UNC13A: variants seen among roughly 807,000 people sequenced by gnomAD.
UNC13A encodes the protein protein unc-13 homolog A.
Under a neutral mutation model 219.7 loss-of-function variants are expected in UNC13A, and 61 were observed. The ratio of observed to expected loss-of-function variants is 0.28; its 90% CI spans 0.23 to 0.34. UNC13A has a LOEUF of 0.34. UNC13A is among the 10% of genes least tolerant of loss of function. The probability of loss-of-function intolerance (pLI) is 1.00; values close to 1 mark genes in which losing one functional copy is unlikely to be tolerated. For synonymous variants in UNC13A, 920 were observed against 884.6 expected (o/e 1.04, Z -0.71); for missense variants, 1,476 against 2,270.3 (o/e 0.65, Z 7.11).
chr19:17,612,315 C>T (rs1251499476), intron 41 of UNC13A, among the ~76,000 whole-genome samples: 11 of 152,134 alleles, frequency 7.2e-5, no homozygotes. Flanking sequence ...CAAACTGACC[C>T]TGCACCTCAA....
rs1392508916 is a variant in UNC13A at position 17,621,885 on chromosome 19, T to C, written c.4204-15A>G. The stretch of plus-strand genomic sequence containing the variant: ...AAGAGGTTCCCCTGCAGAGATAATG[T>C]CACAGGGTGATCAACCTGGCAAGTC... On this transcript the variant is annotated splice_polypyrimidine_tract_variant and intron_variant, in intron 36 of 43. Coordinates refer to ENST00000519716, the MANE Select transcript of UNC13A (RefSeq NM_001080421.3). 2 of 1,613,810 alleles carry C rather than the reference T, an allele frequency of 1.2e-6. No individual in the cohort carries two copies. The highest frequency in any genetic ancestry group is 1.7e-6 in the Non-Finnish European group (2 of 1,179,858).
intron 1 of UNC13A, among the ~76,000 whole-genome samples, chr19:17,685,096 T>C (rs1468318366): frequency 3.3e-5 from 5 of 152,194 alleles, no homozygotes; most frequent in Non-Finnish European, 7.3e-5. Flanking sequence ...CATACACACA[T>C]GGCTTTGACA....
At chr19:17,680,869 C>CT (rs71162171) in intron 1 of UNC13A, among the ~76,000 whole-genome samples, 31,076 of 105,482 alleles carry the variant, frequency 0.29, 5,021 homozygotes, top group Middle Eastern at 0.46. Context: ...TCTTCTTCTT[C>CT]TTTTTTTTTC....
chr19:17,685,810 G>T (rs2145939541), intron 1 of UNC13A, among the ~76,000 whole-genome samples: 1 of 152,178 alleles, frequency 6.6e-6, no homozygotes, highest in African/African-American at 2.4e-5. Context: ...AAACGCCTGT[G>T]GGTCCCCGGT....
Position 17,688,203 on chromosome 19 carries a change from TC to T in UNC13A, c.-5del. On this transcript the variant is annotated 5_prime_UTR_variant, in exon 1 of 44. Coordinates refer to ENST00000519716, the MANE Select transcript of UNC13A (RefSeq NM_001080421.3). ...CTCCAACGCAAAGCAGAGACATGTC[TC>T]CGAGCTCGCAGGTGGGCCGGAGGCG... is the stretch of plus-strand genomic sequence containing the variant. The T allele has an allele frequency of 4.6e-6, 7 of 1,505,840 alleles. No individual in the cohort carries two copies. Among genetic ancestry groups the T allele is most frequent in the Non-Finnish European group, 6.2e-6 (7 of 1,127,860 alleles). 93.3% of individuals were successfully genotyped at this position (1,505,840 alleles called of 1,614,324 possible).
chr19:17,622,096 AAGAG>A (rs35574303), intron 36 of UNC13A, among the ~76,000 whole-genome samples: 6,299 of 152,274 alleles, frequency 0.041, 184 homozygotes, highest in East Asian at 0.096. Context: ...AGAGACAGGA[AAGAG>A]AGAGAAAGAT....
intron 20 of UNC13A, among the ~76,000 whole-genome samples, chr19:17,641,921 C>T (rs984763627): frequency 6.6e-6 from 1 of 152,106 alleles, no homozygotes; most frequent in Non-Finnish European, 1.5e-5. Context: ...TCACAACCAT[C>T]CATCTAAATA....
At chr19:17,673,718 A>G (rs921237211) in intron 3 of UNC13A, among the ~76,000 whole-genome samples, 1 of 146,630 alleles carries the variant, frequency 6.8e-6, no homozygotes, top group Admixed American at 6.9e-5. Context: ...AAAAAGGAAA[A>G]AAATTCCATT....
intron 17 of UNC13A, among the ~76,000 whole-genome samples, 188 bp from the exon 18 acceptor site, chr19:17,646,299 G>A (rs2077026018): frequency 6.8e-6 from 1 of 147,866 alleles, no homozygotes; most frequent in Non-Finnish European, 1.5e-5. Context: ...TTGTTTTTGA[G>A]ACAGAGTTTT....
Position 17,629,277 on chromosome 19 carries a change from T to C in UNC13A, c.3716A>G (p.Asp1239Gly). ...LLQYADIISK[D>G]FASYCSKEKE... ...CTCCTTGGAGCAGTAGGAGGCAAAG[T>C]CCTTGGAGATGATGTCTGCATACTG... Residue 1239 changes from aspartate to glycine, a missense_variant, in exon 31 of 44, where the codon GAC becomes GGC. Around this residue, in one of 14 missense-constraint regions of UNC13A, gnomAD observed 218 missense variants for 409.4 expected, o/e 0.53. Transcript: ENST00000519716. 1 of 1,612,312 alleles carries C rather than the reference T, an allele frequency of 6.2e-7. No individual in the cohort carries two copies. The highest frequency in any genetic ancestry group is 8.5e-7 in the Non-Finnish European group (1 of 1,179,354).
chr19:17,659,539 A>G (rs2079515803), intron 8 of UNC13A, among the ~76,000 whole-genome samples: 1 of 152,052 alleles, frequency 6.6e-6, no homozygotes, highest in African/African-American at 2.4e-5. Flanking sequence ...AGGCCAAGGC[A>G]GGAGGATCAC....
Position 17,674,578 on chromosome 19 carries a change from G to T in UNC13A, c.152+79C>A. 1 of 1,315,432 alleles carries T rather than the reference G, an allele frequency of 7.6e-7. No individual in the cohort carries two copies. The highest frequency in any genetic ancestry group is 1.1e-6 in the Non-Finnish European group (1 of 919,472). 81.5% of individuals were successfully genotyped at this position (1,315,432 alleles called of 1,614,324 possible). On this transcript the variant is annotated intron_variant, in intron 3 of 43. Transcript: ENST00000519716. The surrounding 1 kb of genome is among the most constrained non-coding windows in gnomAD (Gnocchi z 5.0). ...GGGGAGTCACCCGGGATTCCCCAGTGTCCAGCTCTGCCCTGAGGGGCCAGC... is the reference window on the plus strand; with the variant it reads ...GGGGAGTCACCCGGGATTCCCCAGTTTCCAGCTCTGCCCTGAGGGGCCAGC...
At position 17,652,684 on chromosome 19, in the gene UNC13A, G is replaced by C. The variant is rs1399882372; in HGVS notation, c.1393-7C>G. ...TCTCTCCTTCTCCCCGGGCCTGCAG[G>C]ACAGACAGACAGATATGGTCAGTGT... On this transcript the variant is annotated splice_region_variant and splice_polypyrimidine_tract_variant and intron_variant, in intron 11 of 43. Transcript: ENST00000519716. 7 of 1,613,130 alleles carry C rather than the reference G, an allele frequency of 4.3e-6. No homozygotes were observed. Among genetic ancestry groups the C allele is most frequent in the Non-Finnish European group, 5.9e-6 (7 of 1,179,290 alleles).
At chr19:17,678,055 A>G (rs973578099) in intron 1 of UNC13A, among the ~76,000 whole-genome samples, 4 of 152,210 alleles carry the variant, frequency 2.6e-5, no homozygotes, top group Non-Finnish European at 5.9e-5. Context: ...ACAGCCTCCC[A>G]TCCCGGGTTT....
chr19:17,652,746 C>T (rs1251307033), intron 11 of UNC13A, 69 bp from the exon 12 acceptor site: 4 of 1,574,916 alleles, frequency 2.5e-6, no homozygotes, highest in South Asian at 1.1e-5. Flanking sequence ...GCTCCACACC[C>T]ACTTCTGACT....
chr19:17,616,469 T>C (rs751828531), intron 41 of UNC13A: 1 of 579,376 alleles, frequency 1.7e-6, no homozygotes, highest in Admixed American at 2.3e-5. Flanking sequence ...CATGGACTAA[T>C]TGGGGGTGGG....
chr19:17,630,063 C>G, intron 30 of UNC13A, 82 bp downstream of exon 30: 1 of 1,464,658 alleles, frequency 6.8e-7, no homozygotes, highest in Non-Finnish European at 9.2e-7. Flanking sequence ...TCAACCTCAA[C>G]CTTAGCCCAT....
At chr19:17,635,417 C>G (rs2076903504) in intron 26 of UNC13A, among the ~76,000 whole-genome samples, 1 of 152,206 alleles carries the variant, frequency 6.6e-6, no homozygotes, top group African/African-American at 2.4e-5. Flanking sequence ...CTCTCTAGCA[C>G]TCATCTGGCA....
intron 40 of UNC13A, 141 bp downstream of exon 40, chr19:17,618,280 C>T (rs542839327): frequency 2.0e-5 from 19 of 932,324 alleles, no homozygotes; most frequent in South Asian, 3.2e-5. Context: ...GCCAGCCCAG[C>T]TCTGGCACAG....
Sources: gnomAD v4.1 joint callset for allele counts (sites outside exome capture counted in the v4.1 genomes callset) on GRCh38, gnomAD v4.1.1 for gene constraint, gnomAD v4.1.1 regional missense constraint, Gnocchi (gnomAD v3.1) non-coding constraint, MANE v1.5 for transcripts, NCBI Gene and HGNC (gene_info 2026-07-23, HGNC 2026-07-21) for gene names.